The following MTMR6 variants were observed in gnomAD, a reference collection of about 807,000 sequenced individuals.
MTMR6 encodes myotubularin related protein 6.
Under a neutral mutation model 80.1 loss-of-function variants are expected in MTMR6, and 47 were observed. The observed-to-expected ratio is 0.59, with a 90% CI of 0.46 to 0.75. MTMR6 has a LOEUF of 0.75. Among genes scored for constraint, MTMR6 ranks in the 30% least tolerant of loss-of-function variants. The pLI is 0.00. For synonymous variants in MTMR6, 254 were observed against 253.0 expected, an observed-to-expected ratio of 1.00 and a Z score of -0.04; for missense variants, 629 against 730.9, an observed-to-expected ratio of 0.86 and a Z score of 1.61.
intron 3 of MTMR6, among the ~76,000 whole-genome samples, chr13:25,267,021 G>C (rs1036679532): frequency 2.0e-5 from 3 of 152,132 alleles, no homozygotes; most frequent in African/African-American, 7.2e-5. Flanking sequence ...AGGCCGAGGA[G>C]GGTGGATCAC....
At chr13:25,285,523 C>A (rs942084386) in intron 1 of MTMR6, among the ~76,000 whole-genome samples, 2 of 150,882 alleles carry the variant, frequency 1.3e-5, no homozygotes, top group South Asian at 4.2e-4. Flanking sequence ...CAGGTACATA[C>A]CACCCCACCC....
intron 1 of MTMR6, among the ~76,000 whole-genome samples, chr13:25,282,964 T>C (rs1308050723): frequency 6.6e-6 from 1 of 151,958 alleles, no homozygotes; most frequent in African/African-American, 2.4e-5. Flanking sequence ...ATATTCTCCT[T>C]GCATAAACTC....
intron 11 of MTMR6, among the ~76,000 whole-genome samples, chr13:25,253,208 A>C (rs1957126576): frequency 6.6e-6 from 1 of 152,178 alleles, no homozygotes; most frequent in African/African-American, 2.4e-5. Flanking sequence ...CTACTCAAGG[A>C]CGGACACGCT....
intron 1 of MTMR6, among the ~76,000 whole-genome samples, chr13:25,282,587 CTTCTTTTTTCTTTT>C (rs140357614): frequency 1.9e-4 from 29 of 149,580 alleles, no homozygotes; most frequent in East Asian, 1.6e-3. Context: ...TGCTCGCCCT[CTTCTTTTTTCTTTT>C]TTCTTTTTTC....
chr13:25,278,866 C>T (rs1957783031), intron 1 of MTMR6, among the ~76,000 whole-genome samples: 1 of 152,080 alleles, frequency 6.6e-6, no homozygotes, highest in African/African-American at 2.4e-5. Flanking sequence ...GCTTGAGTGA[C>T]AGAGCGAGAC....
At position 25,249,063 on chromosome 13, in the gene MTMR6, A is replaced by C; in HGVS notation, c.*169T>G. 1.5e-6 allele frequency: 1 copy of C among 655,130 alleles called. No individual in the cohort carries two copies. The allele number at this position is 655,130 out of a possible 1,614,324, so 40.6% of individuals were successfully genotyped here. On this transcript the variant is annotated 3_prime_UTR_variant, in exon 14 of 14. Transcript: ENST00000381801. ...CATTCCTTGCTGGAAATGCAATTAA[A>C]ATGACTTATTTCTCTCACAAGGGTA...
chr13:25,254,825 G>A (rs1308275218), intron 9 of MTMR6, among the ~76,000 whole-genome samples: 2 of 150,546 alleles, frequency 1.3e-5, no homozygotes, highest in Admixed American at 6.6e-5. Context: ...AGACTGAGGT[G>A]GATATTTTAA....
In MTMR6 at chr13:25,287,255, A is replaced by G. The variant is rs772365640; in HGVS notation, c.-8T>C. 1.1e-5 allele frequency: 17 copies of G among 1,592,922 alleles called. No homozygotes were observed. Among genetic ancestry groups the G allele is most frequent in the African/African-American group, 1.3e-5 (1 of 74,290 alleles). ...CGTCCGGATATGCTCCATCGCAAGG[A>G]GACGTCAGCCGGCAGCCGGTCTCAC... On this transcript the variant is annotated 5_prime_UTR_variant, in exon 1 of 14. Transcript: ENST00000381801.
rs753572087 is a variant in MTMR6, at chr13:25,252,004, C to T, written c.1347-20G>A. 14 of 1,602,512 alleles carry T rather than the reference C, an allele frequency of 8.7e-6. No homozygotes were observed. Among genetic ancestry groups the T allele is most frequent in the Admixed American group, 1.7e-5 (1 of 57,966 alleles). On this transcript the variant is annotated intron_variant, in intron 11 of 13. Coordinates refer to ENST00000381801, the MANE Select transcript of MTMR6 (RefSeq NM_004685.5). Reference sequence around the variant, plus strand: ...TTCAACCTTAATATAATGAGAAAAACACAGAGATCTTTCCTATAGATGCAA... The same window carrying T: ...TTCAACCTTAATATAATGAGAAAAATACAGAGATCTTTCCTATAGATGCAA...
intron 1 of MTMR6, among the ~76,000 whole-genome samples, chr13:25,274,588 A>C (rs1303902853): frequency 6.6e-6 from 1 of 152,212 alleles, no homozygotes; most frequent in South Asian, 2.1e-4. Flanking sequence ...TTAAATCAGG[A>C]AACATTTAAA....
chr13:25,251,388 C>T lies in MTMR6; in HGVS notation c.1605+261G>A, dbSNP rs1488059584. Among the ~76,000 whole-genome samples, 1 of 152,184 alleles carries T rather than the reference C, an allele frequency of 6.6e-6. No homozygotes were observed. Among genetic ancestry groups the T allele is most frequent in the Non-Finnish European group, 1.5e-5 (1 of 68,030 alleles). On this transcript the variant is annotated intron_variant, in intron 13 of 13. Coordinates refer to ENST00000381801, the MANE Select transcript of MTMR6 (RefSeq NM_004685.5). This position sits in a 1 kb window ranked among gnomAD's most constrained non-coding sequence, Gnocchi z 4.1. ...ATATATAGTAAATGTTAAAATCCCACAAAAGCTAGCTGGTGGGTACACAGA... is the reference window on the plus strand; with the variant it reads ...ATATATAGTAAATGTTAAAATCCCATAAAAGCTAGCTGGTGGGTACACAGA...
At chr13:25,285,548 T>G (rs1427105733) in intron 1 of MTMR6, among the ~76,000 whole-genome samples, 5 of 151,544 alleles carry the variant, frequency 3.3e-5, no homozygotes, top group African/African-American at 1.2e-4. Flanking sequence ...TTCTTTTTTT[T>G]TTTTGAGACT....
Position 25,265,862 on chromosome 13 carries a change from T to C in MTMR6, c.548A>G (p.Lys183Arg), listed in dbSNP as rs567451807. The C allele has an allele frequency of 1.2e-6, 2 of 1,614,116 alleles. No individual in the cohort carries two copies. The highest frequency in any genetic ancestry group is 4.5e-5 in the East Asian group (2 of 44,888). The change falls in exon 5 of 14, where the codon AAG (lysine) becomes AGG (arginine). Residue 183 changes from lysine to arginine, a missense_variant. Lys to Arg is a conservative substitution (Grantham distance 26). Transcript: ENST00000381801. ...GTAGGAAAGAACTGGGAATCTTCCCTTGCTCCGGAACTTGGAACTACCAAC... is the reference window on the plus strand; with the variant it reads ...GTAGGAAAGAACTGGGAATCTTCCCCTGCTCCGGAACTTGGAACTACCAAC... ...IIVGSSKFRS[K>R]GRFPVLSYYH... is the part of the protein sequence containing the mutation.
Position 25,247,710 on chromosome 13 carries a change from T to A in MTMR6, c.*1522A>T, listed in dbSNP as rs966683957. The A allele has an allele frequency of 1.3e-5, 2 of 152,158 alleles. No homozygotes were observed. Among genetic ancestry groups the A allele is most frequent in the African/African-American group, 4.8e-5 (2 of 41,448 alleles). 9.4% of individuals were successfully genotyped at this position (152,158 alleles called of 1,614,324 possible). Reference sequence around the variant, plus strand: ...AAGGAATATTTTTTAAATTACATAATGTATTACAGAAAAGCATTGGAAAAA... The same window carrying A: ...AAGGAATATTTTTTAAATTACATAAAGTATTACAGAAAAGCATTGGAAAAA... On this transcript the variant is annotated 3_prime_UTR_variant, in exon 14 of 14. Transcript: ENST00000381801.
intron 7 of MTMR6, among the ~76,000 whole-genome samples, 199 bp downstream of exon 7, chr13:25,258,361 T>C (rs1248829424): frequency 1.3e-5 from 2 of 152,142 alleles, no homozygotes; most frequent in Non-Finnish European, 2.9e-5. Context: ...AAGAAAAATA[T>C]CTCATTACTG....
At chr13:25,258,013 A>G (rs1300748996) in intron 7 of MTMR6, among the ~76,000 whole-genome samples, 168 bp from the exon 8 acceptor site, 5 of 152,204 alleles carry the variant, frequency 3.3e-5, no homozygotes. Context: ...TCTTGGATAT[A>G]TTTTTCTATT....
chr13:25,260,138 C>T (rs1441724424), intron 6 of MTMR6, among the ~76,000 whole-genome samples: 2 of 151,724 alleles, frequency 1.3e-5, no homozygotes, highest in Admixed American at 1.3e-4. Context: ...GCTGGGATTA[C>T]AGGTGTGAGC....
chr13:25,286,233 AT>A (rs1277981382), intron 1 of MTMR6, among the ~76,000 whole-genome samples: 1 of 152,246 alleles, frequency 6.6e-6, no homozygotes, highest in Non-Finnish European at 1.5e-5. Flanking sequence ...CATTTAAAAA[AT>A]TTTTAAAAAC....
At chr13:25,278,451 C>G (rs914309696) in intron 1 of MTMR6, among the ~76,000 whole-genome samples, 1 of 151,696 alleles carries the variant, frequency 6.6e-6, no homozygotes, top group African/African-American at 2.4e-5. Flanking sequence ...AATTAGCAGC[C>G]GGGCGCAGCT....
Sources: gnomAD v4.1 joint callset for allele counts (sites outside exome capture counted in the v4.1 genomes callset) on GRCh38, gnomAD v4.1.1 for gene constraint, Gnocchi (gnomAD v3.1) non-coding constraint, MANE v1.5 for transcripts, NCBI Gene and HGNC (gene_info 2026-07-23, HGNC 2026-07-21) for gene names.